The following TM4SF20 variants were observed in gnomAD, a reference collection of about 807,000 sequenced individuals.
TM4SF20 encodes the protein transmembrane 4 L6 family member 20.
A neutral mutation model predicts 15.1 loss-of-function variants in TM4SF20; 13 were observed. The ratio of observed to expected loss-of-function variants is 0.86; its 90% CI spans 0.56 to 1.36. The LOEUF (loss-of-function observed/expected upper bound fraction) is 1.36. TM4SF20 is among the 40% of genes most tolerant of loss of function. The pLI is 0.00. For missense variants in TM4SF20, 282 were observed against 268.4 expected, an observed-to-expected ratio of 1.05 and a Z score of -0.35; for synonymous variants, 92 against 96.6, an observed-to-expected ratio of 0.95 and a Z score of 0.28.
At chr2:227,368,983 A>G (rs369033194) in intron 2 of TM4SF20, among the ~76,000 whole-genome samples, 5 of 152,224 alleles carry the variant, frequency 3.3e-5, no homozygotes, top group Non-Finnish European at 7.3e-5. Context: ...GGAAAAGCCT[A>G]TATAAGTGTT....
rs1397123202 is a variant in TM4SF20, at chr2:227,363,727, C to T, written c.687G>A (p.Val229=). 6.8e-6 allele frequency: 11 copies of T among 1,610,874 alleles called. No individual in the cohort carries two copies. Among genetic ancestry groups the T allele is most frequent in the Admixed American group, 1.7e-5 (1 of 59,404 alleles). The change falls in exon 4 of 4, where the codon GTG becomes GTA. Residue 229 remains valine, a synonymous_variant. Coordinates refer to ENST00000304568, the MANE Select transcript of TM4SF20 (RefSeq NM_024795.4). The part of the protein sequence containing the change: ...CGVSKRRSQI[V] Reference sequence around the variant, plus strand: ...CTTACATTTTATTCCCATTAAACTACACAATTTGACTTCTTCGCTTAGAGA... The same window carrying T: ...CTTACATTTTATTCCCATTAAACTATACAATTTGACTTCTTCGCTTAGAGA...
At chr2:227,378,084 A>ACACACACACACAGG (rs2076460678) in intron 1 of TM4SF20, among the ~76,000 whole-genome samples, 1 of 93,140 alleles carries the variant, frequency 1.1e-5, no homozygotes, top group Non-Finnish European at 2.6e-5. Context: ...TCTCTGTCTT[A>ACACACACACACAGG]CACACACACA....
intron 1 of TM4SF20, among the ~76,000 whole-genome samples, chr2:227,378,779 T>C (rs1484169844): frequency 6.6e-6 from 1 of 152,128 alleles, no homozygotes. Flanking sequence ...ATTCAGAAGG[T>C]CCCTAACTCT....
At chr2:227,372,920 C>G (rs2076428317) in intron 1 of TM4SF20, among the ~76,000 whole-genome samples, 1 of 151,972 alleles carries the variant, frequency 6.6e-6, no homozygotes, top group Admixed American at 6.6e-5. Flanking sequence ...GGGATTTTGC[C>G]ATGTTGCCCA....
At position 227,377,163 on chromosome 2, in the gene TM4SF20, A is replaced by G. The variant is rs533938850; in HGVS notation, c.183+1923T>C. Among the ~76,000 whole-genome samples, 8 of 152,236 alleles carry G rather than the reference A, an allele frequency of 5.3e-5. No individual in the cohort carries two copies. In the East Asian group the frequency reaches 1.5e-3, roughly 29 times the overall value. On this transcript the variant is annotated intron_variant, in intron 1 of 3. Transcript: ENST00000304568. ...ATGGGATTTGTGGCAGAGCCAATTT[A>G]TATCTAAAGCTGCATGTGTTATTCT...
At position 227,366,216 on chromosome 2, in the gene TM4SF20, A is replaced by G. The variant is rs376558640; in HGVS notation, c.278T>C (p.Ile93Thr). Residue 93 changes from isoleucine (I) to threonine (T), a missense_variant, in exon 3 of 4, where the codon ATC becomes ACC. Ile to Thr is a moderately conservative substitution (Grantham distance 89). Coordinates refer to ENST00000304568, the MANE Select transcript of TM4SF20 (RefSeq NM_024795.4). ...GCAATACAGAGCACCAATGACTGTGATCACACTGAAAAGTGATGAAAGAAA... is the reference window on the plus strand; with the variant it reads ...GCAATACAGAGCACCAATGACTGTGGTCACACTGAAAAGTGATGAAAGAAA... ...GMFLSSLFSVITVIGALYCML... is the reference protein window; with the variant it reads ...GMFLSSLFSVTTVIGALYCML... 71 of 1,611,450 alleles carry G rather than the reference A, an allele frequency of 4.4e-5. No homozygotes were observed. Among genetic ancestry groups the G allele is most frequent in the Admixed American group, 8.5e-5 (5 of 59,132 alleles).
chr2:227,368,609 G>T lies in TM4SF20; in HGVS notation c.249+2306C>A, dbSNP rs770551495. ...TCAAACTCCTGAACTCAAGTGATCCGCCCACCTCAGCCTCCCAAAGTGCTG... is the reference window on the plus strand; with the variant it reads ...TCAAACTCCTGAACTCAAGTGATCCTCCCACCTCAGCCTCCCAAAGTGCTG... On this transcript the variant is annotated intron_variant, in intron 2 of 3. Coordinates refer to ENST00000304568, the MANE Select transcript of TM4SF20 (RefSeq NM_024795.4). 3.3e-5 allele frequency among the ~76,000 whole-genome samples: 5 copies of T among 151,706 alleles called. No homozygotes were observed. The East Asian group carries it at 9.7e-4, about 29-fold the overall frequency.
intron 2 of TM4SF20, among the ~76,000 whole-genome samples, chr2:227,369,437 T>TTTC (rs1033298978): frequency 6.6e-6 from 1 of 150,652 alleles, no homozygotes; most frequent in African/African-American, 2.4e-5. Flanking sequence ...CTTTTTTTTT[T>TTTC]TTTTTTTTGA....
rs373306407 is a variant in TM4SF20 at position 227,375,745 on chromosome 2, T to A, written c.183+3341A>T. Among the ~76,000 whole-genome samples, 3 of 152,166 alleles carry A rather than the reference T, an allele frequency of 2.0e-5. No individual in the cohort carries two copies. In the East Asian group the frequency reaches 5.8e-4, roughly 29 times the overall value. ...ACCTCGTGATTCGCCCGCCTCGGCCTCCCAAAGTGCTGGGATTACAGACAT... is the reference window on the plus strand; with the variant it reads ...ACCTCGTGATTCGCCCGCCTCGGCCACCCAAAGTGCTGGGATTACAGACAT... On this transcript the variant is annotated intron_variant, in intron 1 of 3. Transcript: ENST00000304568.
Position 227,366,243 on chromosome 2 carries a change from A to C in TM4SF20, c.251T>G (p.Met84Arg). Residue 84 changes from methionine to arginine, a missense_variant and splice_region_variant, in exon 3 of 4, where the codon ATG (methionine) becomes AGG (arginine). Met to Arg is a moderately conservative substitution (Grantham distance 91). Transcript: ENST00000304568. ...CACACTGAAAAGTGATGAAAGAAAC[A>C]TCTGAAAAATAAAATAGAGCCATTT... The part of the protein sequence containing the change: ...KRACCNNRTG[M>R]FLSSLFSVIT... The C allele has an allele frequency of 6.2e-7, 1 of 1,607,756 alleles. No individual in the cohort carries two copies. Among genetic ancestry groups the C allele is most frequent in the Non-Finnish European group, 8.5e-7 (1 of 1,178,384 alleles).
chr2:227,367,704 C>T (rs1458653698), intron 2 of TM4SF20, among the ~76,000 whole-genome samples: 1 of 152,074 alleles, frequency 6.6e-6, no homozygotes, highest in East Asian at 1.9e-4. Flanking sequence ...AAGGTGGCTA[C>T]CTATAGAGTT....
upstream of TM4SF20, chr2:227,381,588 C>T (rs2076480018): frequency 6.6e-6 from 1 of 152,084 alleles, no homozygotes; most frequent in Admixed American, 6.6e-5. Context: ...TAGTTACTTA[C>T]CTTAGAATGT....
chr2:227,365,096 T>G (rs561040710), intron 3 of TM4SF20, among the ~76,000 whole-genome samples: 2 of 152,142 alleles, frequency 1.3e-5, no homozygotes, highest in African/African-American at 4.8e-5. Context: ...TTTTCAGTAG[T>G]GATGCAGTTT....
intron 1 of TM4SF20, among the ~76,000 whole-genome samples, chr2:227,378,475 C>T (rs1420142786): frequency 1.3e-5 from 2 of 152,146 alleles, no homozygotes; most frequent in African/African-American, 4.8e-5. Context: ...CAGAGGTAGA[C>T]CTAGTAACAA....
At chr2:227,372,416 T>C (rs1290120305) in intron 1 of TM4SF20, among the ~76,000 whole-genome samples, 2 of 151,910 alleles carry the variant, frequency 1.3e-5, no homozygotes, top group Non-Finnish European at 2.9e-5. Flanking sequence ...GAGGCCGAGG[T>C]GGGTGGATCA....
intron 1 of TM4SF20, among the ~76,000 whole-genome samples, chr2:227,376,127 T>C (rs2076449351): frequency 6.6e-6 from 1 of 152,204 alleles, no homozygotes; most frequent in Non-Finnish European, 1.5e-5. Context: ...CATGATGTAA[T>C]CAATAATGAA....
upstream of TM4SF20, among the ~76,000 whole-genome samples, chr2:227,380,675 G>A (rs530958574): frequency 1.6e-4 from 24 of 152,288 alleles, no homozygotes; most frequent in African/African-American, 4.6e-4. Context: ...TCTCTACAGC[G>A]CCTTCCTTCT....
At chr2:227,376,548 A>G (rs2076451428) in intron 1 of TM4SF20, among the ~76,000 whole-genome samples, 1 of 152,212 alleles carries the variant, frequency 6.6e-6, no homozygotes, top group Non-Finnish European at 1.5e-5. Flanking sequence ...ATTCTATAAT[A>G]CAGAATAATA....
In TM4SF20 at chr2:227,366,237, A is replaced by G; in HGVS notation, c.257T>C (p.Leu86Pro). 6.2e-7 allele frequency: 1 copy of G among 1,608,352 alleles called. No individual in the cohort carries two copies. Among genetic ancestry groups the G allele is most frequent in the Non-Finnish European group, 8.5e-7 (1 of 1,178,660 alleles). Residue 86 changes from leucine to proline, a missense_variant, in exon 3 of 4, where the codon CTT (leucine) becomes CCT (proline). Transcript: ENST00000304568. ...TGTGATCACACTGAAAAGTGATGAA[A>G]GAAACATCTGAAAAATAAAATAGAG... is the stretch of plus-strand genomic sequence containing the variant. ...ACCNNRTGMFLSSLFSVITVI... is the reference protein window; with the variant it reads ...ACCNNRTGMFPSSLFSVITVI...
Sources: allele counts gnomAD v4.1 joint callset (sites outside exome capture counted in the v4.1 genomes callset), GRCh38; gene constraint gnomAD v4.1.1; transcripts MANE v1.5; gene names NCBI Gene and HGNC (gene_info 2026-07-23, HGNC 2026-07-21).